The following TACR1 variants were observed in gnomAD, a reference collection of about 807,000 sequenced individuals.
The protein encoded by TACR1 is tachykinin receptor 1, also known as substance-P receptor.
In TACR1, 25 loss-of-function variants were observed where a neutral mutation model predicts 35.8. The observed-to-expected ratio is 0.70, with a 90% CI of 0.51 to 0.98. The LOEUF (loss-of-function observed/expected upper bound fraction) is 0.98, where lower values mean the gene tolerates loss of function less well. TACR1 is among the 50% of genes least tolerant of loss of function. TACR1 has a pLI of 0.00. For synonymous variants in TACR1, 195 were observed against 206.7 expected (o/e 0.94, Z 0.48); for missense variants, 478 against 522.9 (o/e 0.91, Z 0.84).
intron 1 of TACR1, among the ~76,000 whole-genome samples, chr2:75,181,321 A>T (rs559974204): frequency 5.3e-5 from 8 of 152,162 alleles, no homozygotes; most frequent in South Asian, 2.1e-4. Context: ...TCCTTTAAAA[A>T]CATCTAGAAA....
intron 1 of TACR1, among the ~76,000 whole-genome samples, chr2:75,165,346 G>C (rs1244471923): frequency 6.6e-5 from 10 of 152,070 alleles, no homozygotes; most frequent in Non-Finnish European, 1.5e-4. Context: ...GTCTCGCTCT[G>C]TCACCCAGGC....
chr2:75,062,735 G>A (rs746293613), intron 2 of TACR1, among the ~76,000 whole-genome samples: 5 of 152,270 alleles, frequency 3.3e-5, no homozygotes, highest in East Asian at 3.9e-4. Context: ...CAGAAAACAC[G>A]TGCCAATCTG....
At chr2:75,049,888 G>T (rs1344068852) in intron 4 of TACR1, among the ~76,000 whole-genome samples, 165 bp from the exon 5 acceptor site, 1 of 152,042 alleles carries the variant, frequency 6.6e-6, no homozygotes, top group African/African-American at 2.4e-5. Flanking sequence ...AAGGCTTAAG[G>T]GTCAGTCAAC....
At position 75,191,366 on chromosome 2, in the gene TACR1, T is replaced by TA. The variant is rs539611232; in HGVS notation, c.389+7179dup. ...TGCACCTGCTGCTAGTGGGGGGTGT[T>TA]AGAGAAAAATCCAGGGGGTTGACAG... On this transcript the variant is annotated intron_variant, in intron 1 of 4. Transcript: ENST00000305249. Among the ~76,000 whole-genome samples the TA allele has an allele frequency of 2.4e-4, 36 of 151,898 alleles. No homozygotes were observed. The East Asian group carries it at 6.2e-3, about 26-fold the overall frequency.
chr2:75,048,524 G>A lies in TACR1; in HGVS notation c.*908C>T, dbSNP rs1355767817. 6.6e-6 allele frequency: 1 copy of A among 152,104 alleles called. No individual in the cohort carries two copies. Among genetic ancestry groups the A allele is most frequent in the African/African-American group, 2.4e-5 (1 of 41,410 alleles). The allele number at this position is 152,104 out of a possible 1,614,324, so 9.4% of individuals were successfully genotyped here. Reference sequence around the variant, plus strand: ...GCAGTTGCTACATCTCCAGGAACTGGGTATTAGTTACAAGACTCACTGCTC... The same window carrying A: ...GCAGTTGCTACATCTCCAGGAACTGAGTATTAGTTACAAGACTCACTGCTC... On this transcript the variant is annotated 3_prime_UTR_variant, in exon 5 of 5. Coordinates refer to ENST00000305249, the MANE Select transcript of TACR1 (RefSeq NM_001058.4).
intron 2 of TACR1, among the ~76,000 whole-genome samples, chr2:75,082,823 T>C (rs888185447): frequency 6.6e-6 from 1 of 152,214 alleles, no homozygotes. Flanking sequence ...TTCTGGATAT[T>C]AGCCCTTTGT....
At chr2:75,091,234 T>A (rs1673306507) in intron 2 of TACR1, among the ~76,000 whole-genome samples, 1 of 144,380 alleles carries the variant, frequency 6.9e-6, no homozygotes, top group African/African-American at 2.5e-5. Flanking sequence ...AAATCTCCCC[T>A]GAATTTCCGC....
intron 2 of TACR1, among the ~76,000 whole-genome samples, chr2:75,111,944 A>T (rs12988808): frequency 0.52 from 78,967 of 151,638 alleles, 20,996 homozygotes; most frequent in Non-Finnish European, 0.59. Flanking sequence ...ATAAATTTTT[A>T]AAAAAAATTT....
intron 1 of TACR1, among the ~76,000 whole-genome samples, chr2:75,160,926 G>A (rs914224808): frequency 6.6e-5 from 10 of 151,202 alleles, no homozygotes; most frequent in Non-Finnish European, 1.5e-4. Context: ...CATCCAAGAA[G>A]GTAAACATTT....
chr2:75,081,826 G>A (rs1053417543), intron 2 of TACR1, among the ~76,000 whole-genome samples: 35 of 151,594 alleles, frequency 2.3e-4, no homozygotes, highest in Admixed American at 1.5e-3. Context: ...CTCTGCTCTT[G>A]TTTCTGACTT....
At position 75,154,408 on chromosome 2, in the gene TACR1, ACG is replaced by A. The variant is rs1271858307; in HGVS notation, c.390-33642_390-33641del. 146 of 98,658 alleles carry A rather than the reference ACG, an allele frequency of 1.5e-3. 4 individuals carry two copies. The highest frequency in any genetic ancestry group is 1.1e-3 in the African/African-American group (27 of 23,994). The allele number at this position is 98,658 out of a possible 1,614,324, so 6.1% of individuals were successfully genotyped here. ...GGGAGATAATCAGCCAAGAGCGCGC[ACG>A]CACACACACACACACACACACACAC... On this transcript the variant is annotated intron_variant, in intron 1 of 4. Coordinates refer to ENST00000305249, the MANE Select transcript of TACR1 (RefSeq NM_001058.4).
intron 1 of TACR1, among the ~76,000 whole-genome samples, chr2:75,192,968 A>G (rs1160670189): frequency 6.6e-6 from 1 of 152,078 alleles, no homozygotes; most frequent in Non-Finnish European, 1.5e-5. Flanking sequence ...ACAAAACTCC[A>G]CATTCATTTC....
intron 1 of TACR1, among the ~76,000 whole-genome samples, chr2:75,151,866 C>T (rs915018342): frequency 3.3e-5 from 5 of 150,022 alleles, no homozygotes; most frequent in Non-Finnish European, 2.9e-5. Context: ...TGCCCAAGAC[C>T]ATGGGAACCT....
chr2:75,082,446 G>A lies in TACR1; in HGVS notation c.585-28691C>T, dbSNP rs561578840. The stretch of plus-strand genomic sequence containing the variant: ...TTCCTTTGGGTATATACCCAGTAAT[G>A]GGATGGCTGGGTCAAATGGTATTTC... On this transcript the variant is annotated intron_variant, in intron 2 of 4. Coordinates refer to ENST00000305249, the MANE Select transcript of TACR1 (RefSeq NM_001058.4). Among the ~76,000 whole-genome samples, 8 of 152,294 alleles carry A rather than the reference G, an allele frequency of 5.3e-5. No individual in the cohort carries two copies. In the East Asian group the frequency reaches 1.5e-3, roughly 29 times the overall value.
chr2:75,129,421 C>A (rs1271619550), intron 1 of TACR1, among the ~76,000 whole-genome samples: 3 of 152,104 alleles, frequency 2.0e-5, no homozygotes, highest in African/African-American at 7.2e-5. Context: ...TTTTTGTGAA[C>A]AACATCAAAG....
chr2:75,056,925 C>A (rs527261094), intron 2 of TACR1, among the ~76,000 whole-genome samples: 27 of 152,114 alleles, frequency 1.8e-4, no homozygotes, highest in African/African-American at 6.3e-4. Context: ...GTATAGACAC[C>A]AAAAATTGAA....
At chr2:75,116,371 G>T (rs1263279588) in intron 2 of TACR1, among the ~76,000 whole-genome samples, 1 of 152,004 alleles carries the variant, frequency 6.6e-6, no homozygotes. Flanking sequence ...AAAAATACTG[G>T]GATTACAGTC....
chr2:75,051,206 A>G (rs375855372), intron 4 of TACR1, 45 bp downstream of exon 4: 3 of 1,613,560 alleles, frequency 1.9e-6, no homozygotes, highest in Non-Finnish European at 2.5e-6. Context: ...GTGTATGTAG[A>G]TGGTCTTGTG....
At chr2:75,080,349 C>T (rs1243011730) in intron 2 of TACR1, among the ~76,000 whole-genome samples, 1 of 152,196 alleles carries the variant, frequency 6.6e-6, no homozygotes. Context: ...CACACACATG[C>T]AGGCATACAC....
Sources: allele counts gnomAD v4.1 joint callset (sites outside exome capture counted in the v4.1 genomes callset), GRCh38; gene constraint gnomAD v4.1.1; transcripts MANE v1.5; gene names NCBI Gene and HGNC (gene_info 2026-07-23, HGNC 2026-07-21).